OTUD3: variants seen among roughly 807,000 people sequenced by gnomAD.
OTUD3 encodes OTU deubiquitinase 3.
A neutral mutation model predicts 46.2 loss-of-function variants in OTUD3; 24 were observed. The ratio of observed to expected loss-of-function variants is 0.52; its 90% CI spans 0.38 to 0.73. OTUD3 has a LOEUF of 0.73. Among genes scored for constraint, OTUD3 ranks in the 30% least tolerant of loss-of-function variants. The pLI is 0.00. For missense variants in OTUD3, 455 were observed against 523.3 expected (o/e 0.87, Z 1.27); for synonymous variants, 189 against 195.4 (o/e 0.97, Z 0.27).
At chr1:19,888,246 A>G (rs116455651) in intron 1 of OTUD3, among the ~76,000 whole-genome samples, 8 of 152,336 alleles carry the variant, frequency 5.3e-5, no homozygotes, top group African/African-American at 1.7e-4. Flanking sequence ...TGGAATGTCA[A>G]TAATGTGGAG....
In OTUD3 at chr1:19,906,419, C is replaced by G; in HGVS notation, c.836-13C>G. 6.2e-7 allele frequency: 1 copy of G among 1,611,840 alleles called. No individual in the cohort carries two copies. Among genetic ancestry groups the G allele is most frequent in the Non-Finnish European group, 8.5e-7 (1 of 1,178,728 alleles). On this transcript the variant is annotated splice_polypyrimidine_tract_variant and intron_variant, in intron 6 of 7. Transcript: ENST00000375120. ...CAGGTTCTCAGTTTTAATGAAATGT[C>G]TTTCTTTGGAAGATGCAGAAGAGAA...
chr1:19,891,402 C>G (rs1182712260), intron 2 of OTUD3, among the ~76,000 whole-genome samples: 1 of 152,110 alleles, frequency 6.6e-6, no homozygotes, highest in Non-Finnish European at 1.5e-5. Context: ...GAGAATTGAT[C>G]CTTTGTTTTA....
chr1:19,894,264 T>C, intron 2 of OTUD3, 104 bp from the exon 3 acceptor site: 1 of 623,846 alleles, frequency 1.6e-6, no homozygotes, highest in Non-Finnish European at 2.8e-6. Flanking sequence ...CTCAGATATA[T>C]ATCGTTGTTT....
intron 4 of OTUD3, 128 bp from the exon 5 acceptor site, chr1:19,904,137 CTT>C: frequency 1.7e-6 from 1 of 588,080 alleles, no homozygotes; most frequent in Non-Finnish European, 2.8e-6. Context: ...TTGCTGTTCT[CTT>C]AAGGTTGTTT....
Position 19,882,600 on chromosome 1 carries a change from G to A in OTUD3, c.87G>A (p.Ala29=). The A allele has an allele frequency of 7.0e-7, 1 of 1,428,152 alleles. No individual in the cohort carries two copies. Among genetic ancestry groups the A allele is most frequent in the Non-Finnish European group, 9.1e-7 (1 of 1,094,588 alleles). The allele number at this position is 1,428,152 out of a possible 1,614,324, so 88.5% of individuals were successfully genotyped here. A position where few individuals can be genotyped will look rare whatever the true frequency, so the allele number is the denominator to read the frequency against. ...AGCGCAAGCGGGACGAGCGGGCGGCGCGCCGGGCCCTGGCCAAGGAGCGGC... is the reference window on the plus strand; with the variant it reads ...AGCGCAAGCGGGACGAGCGGGCGGCACGCCGGGCCCTGGCCAAGGAGCGGC... ...EAERKRDERA[A]RRALAKERRN... The change falls in exon 1 of 8, where the codon GCG becomes GCA. Residue 29 remains alanine (A), a synonymous_variant. Coordinates refer to ENST00000375120, the MANE Select transcript of OTUD3 (RefSeq NM_015207.2).
rs1409266814 is a variant in OTUD3, at chr1:19,910,249, AC to A, written c.*2504del. 5.2e-5 allele frequency: 8 copies of A among 152,402 alleles called. No homozygotes were observed. The highest frequency in any genetic ancestry group is 7.3e-5 in the Non-Finnish European group (5 of 68,066). 9.4% of individuals were successfully genotyped at this position (152,402 alleles called of 1,614,324 possible). A position where few individuals can be genotyped will look rare whatever the true frequency, so the allele number is the denominator to read the frequency against. ...CTGAATGTGTCTTAACCTCTGTGTT[AC>A]ATCTTGGCTGGCAGAGATTTATGTT... On this transcript the variant is annotated 3_prime_UTR_variant, in exon 8 of 8. Transcript: ENST00000375120.
At chr1:19,893,647 C>T (rs144990773) in intron 2 of OTUD3, among the ~76,000 whole-genome samples, 2 of 152,290 alleles carry the variant, frequency 1.3e-5, no homozygotes, top group Non-Finnish European at 2.9e-5. Context: ...TGGAGAGGCC[C>T]GTCATGAATA....
chr1:19,907,463 G>A (rs535763358), intron 7 of OTUD3, 107 bp from the exon 8 acceptor site: 1 of 1,023,426 alleles, frequency 9.8e-7, no homozygotes, highest in African/African-American at 1.6e-5. Flanking sequence ...GGTTTTCCCT[G>A]TTCCTGCTGA....
At chr1:19,898,588 T>C (rs1193288175) in intron 4 of OTUD3, among the ~76,000 whole-genome samples, 1 of 151,182 alleles carries the variant, frequency 6.6e-6, no homozygotes, top group Non-Finnish European at 1.5e-5. Context: ...ATTAGCCGGG[T>C]GTGGTGGCGC....
intron 4 of OTUD3, among the ~76,000 whole-genome samples, chr1:19,900,273 G>A (rs563751591): frequency 1.3e-4 from 20 of 151,956 alleles, no homozygotes; most frequent in Non-Finnish European, 2.8e-4. Flanking sequence ...CTATGATCAT[G>A]TTTCACTGCA....
chr1:19,882,873 G>A, intron 1 of OTUD3, 139 bp downstream of exon 1: 1 of 727,234 alleles, frequency 1.4e-6, no homozygotes, highest in Non-Finnish European at 1.9e-6. Flanking sequence ...CGCTCCGAGT[G>A]CAGGGCGTCC....
intron 1 of OTUD3, 49 bp downstream of exon 1, chr1:19,882,783 C>G: frequency 5.6e-6 from 7 of 1,260,318 alleles, no homozygotes; most frequent in Non-Finnish European, 7.0e-6. Context: ...ACGCGCCGGG[C>G]TCGGCCTGGC....
chr1:19,894,360 C>G lies in OTUD3; in HGVS notation c.371-8C>G. 8 of 1,542,072 alleles carry G rather than the reference C, an allele frequency of 5.2e-6. No individual in the cohort carries two copies. Among genetic ancestry groups the G allele is most frequent in the Non-Finnish European group, 7.1e-6 (8 of 1,127,212 alleles). On this transcript the variant is annotated splice_polypyrimidine_tract_variant and splice_region_variant and intron_variant, in intron 2 of 7. Transcript: ENST00000375120. ...AAGACGTCATTTTTCTTTCCTATTT[C>G]CATGCAGTGGCCAGTTTGGCAAAGC...
rs183523135 is a variant in OTUD3, at chr1:19,890,684, C to T, written c.370+151C>T. On this transcript the variant is annotated intron_variant, in intron 2 of 7. Transcript: ENST00000375120. ...AATATTTGTTTGCCTACTTGGTTAT[C>T]GGCAGTATGCTAGGTAGTTGGGGAT... 7.0e-4 allele frequency: 513 copies of T among 734,960 alleles called. 3 individuals are homozygous for T. The African/African-American group carries it at 7.4e-3, about 11-fold the overall frequency. 45.5% of individuals were successfully genotyped at this position (734,960 alleles called of 1,614,324 possible).
In OTUD3 at chr1:19,882,639, G is replaced by A. The variant is rs1446284576; in HGVS notation, c.126G>A (p.Glu42=). 3 of 1,462,640 alleles carry A rather than the reference G, an allele frequency of 2.1e-6. No homozygotes were observed. The African/African-American group carries it at 4.4e-5, about 21-fold the overall frequency. 90.6% of individuals were successfully genotyped at this position (1,462,640 alleles called of 1,614,324 possible). A position where few individuals can be genotyped will look rare whatever the true frequency, so the allele number is the denominator to read the frequency against. The change falls in exon 1 of 8, where the codon GAG becomes GAA. Residue 42 remains glutamate, a synonymous_variant. Coordinates refer to ENST00000375120, the MANE Select transcript of OTUD3 (RefSeq NM_015207.2). ...ALAKERRNRP[E]SGGGGGCEEE... ...CCAAGGAGCGGCGGAATCGGCCGGA[G>A]TCTGGCGGCGGCGGCGGCTGCGAGG...
intron 2 of OTUD3, among the ~76,000 whole-genome samples, chr1:19,891,344 G>A (rs1310638020): frequency 2.0e-5 from 3 of 152,282 alleles, no homozygotes; most frequent in East Asian, 3.9e-4. Context: ...CTTACAAATG[G>A]CATTTTCATC....
chr1:19,906,598 TAAA>T lies in OTUD3; in HGVS notation c.1005_1007del (p.Lys335del), dbSNP rs1473792535. On this transcript the variant is annotated inframe_deletion, in exon 7 of 8. Transcript: ENST00000375120. ...GCCCTAGTGAAGAAAACAAAGCAAA[TAAA>T]AACCAGCTCGCAAAGGTATGTAAGA... 2.5e-6 allele frequency: 4 copies of T among 1,610,504 alleles called. No individual in the cohort carries two copies. The highest frequency in any genetic ancestry group is 3.4e-6 in the Non-Finnish European group (4 of 1,178,682).
intron 4 of OTUD3, among the ~76,000 whole-genome samples, chr1:19,901,026 C>T (rs995845396): frequency 1.6e-4 from 24 of 150,408 alleles, no homozygotes; most frequent in African/African-American, 5.4e-4. Context: ...TCTCCTGCCT[C>T]AGCCTCCCGA....
chr1:19,905,062 C>A, intron 6 of OTUD3, 75 bp downstream of exon 6: 2 of 846,508 alleles, frequency 2.4e-6, no homozygotes, highest in Non-Finnish European at 3.9e-6. Context: ...ATTTTTTAAC[C>A]AAGTCACAGG....
Sources: allele counts gnomAD v4.1 joint callset (sites outside exome capture counted in the v4.1 genomes callset), GRCh38; gene constraint gnomAD v4.1.1; transcripts MANE v1.5; gene names NCBI Gene and HGNC (gene_info 2026-07-23, HGNC 2026-07-21).